The following ZFHX3 variants were observed in gnomAD, a reference collection of about 807,000 sequenced individuals.
ZFHX3 encodes zinc finger homeobox protein 3.
Under a neutral mutation model 279.1 loss-of-function variants are expected in ZFHX3, and 42 were observed. The observed-to-expected ratio is 0.15, with a 90% CI of 0.12 to 0.19. The LOEUF is 0.19. Among genes scored for constraint, ZFHX3 ranks in the 10% least tolerant of loss-of-function variants. The pLI, the probability that ZFHX3 is intolerant of heterozygous loss-of-function variation, is 1.00. For missense variants in ZFHX3, 4,981 were observed against 4,754.0 expected, an observed-to-expected ratio of 1.05 and a Z score of -1.40; for synonymous variants, 2,293 against 1,957.8, an observed-to-expected ratio of 1.17 and a Z score of -4.52.
At chr16:73,354,859 G>A (rs147973361) in intron 3 of ZFHX3, among the ~76,000 whole-genome samples, 34 of 152,186 alleles carry the variant, frequency 2.2e-4, no homozygotes, top group African/African-American at 6.3e-4. Flanking sequence ...CTGGTGAATC[G>A]GTCTTCATTT....
chr16:73,075,139 T>A (rs887432055), intron 8 of ZFHX3, among the ~76,000 whole-genome samples: 1 of 152,160 alleles, frequency 6.6e-6, no homozygotes, highest in African/African-American at 2.4e-5. Context: ...GCATAATTAC[T>A]CTATTATTAC....
chr16:72,984,405 T>A (rs1476057358), intron 1 of ZFHX3, among the ~76,000 whole-genome samples: 7 of 152,048 alleles, frequency 4.6e-5, no homozygotes, highest in Non-Finnish European at 7.4e-5. Flanking sequence ...GGTGGGAGGA[T>A]CACTTGAGCC....
chr16:73,472,586 T>C (rs1244510132), intron 2 of ZFHX3, among the ~76,000 whole-genome samples: 2 of 152,182 alleles, frequency 1.3e-5, no homozygotes. Context: ...CACTCCAGAC[T>C]CACCCTTCAT....
intron 4 of ZFHX3, among the ~76,000 whole-genome samples, chr16:73,276,083 T>C (rs1054320345): frequency 2.0e-5 from 3 of 152,074 alleles, no homozygotes; most frequent in Non-Finnish European, 4.4e-5. Flanking sequence ...CACAACAAAT[T>C]GTGTAATATG....
intron 5 of ZFHX3, among the ~76,000 whole-genome samples, chr16:73,179,025 A>G (rs1234945000): frequency 6.6e-6 from 1 of 152,208 alleles, no homozygotes; most frequent in Non-Finnish European, 1.5e-5. Context: ...GCTCACACCA[A>G]CATAACCAAA....
chr16:73,235,188 G>A (rs2012904415), intron 5 of ZFHX3, among the ~76,000 whole-genome samples: 1 of 152,074 alleles, frequency 6.6e-6, no homozygotes, highest in Non-Finnish European at 1.5e-5. Context: ...TCCTGCCTCA[G>A]CCTCCTGAGT....
intron 1 of ZFHX3, among the ~76,000 whole-genome samples, chr16:73,853,893 A>T (rs1961652667): frequency 6.6e-6 from 1 of 152,062 alleles, no homozygotes; most frequent in East Asian, 1.9e-4. Context: ...AAGTGATCCT[A>T]TTGTTGTAAG....
At chr16:73,153,321 G>T (rs568005955) in intron 5 of ZFHX3, among the ~76,000 whole-genome samples, 6 of 151,788 alleles carry the variant, frequency 4.0e-5, no homozygotes, top group Admixed American at 1.3e-4. Context: ...GTCTCCCTAC[G>T]TTGCCTAGGC....
chr16:73,402,585 C>A (rs1258843580), intron 3 of ZFHX3: 1 of 152,226 alleles, frequency 6.6e-6, no homozygotes, highest in Non-Finnish European at 1.5e-5. Context: ...TGTGGACCCG[C>A]TTTGAGTAGC....
intron 2 of ZFHX3, among the ~76,000 whole-genome samples, chr16:73,528,450 G>A (rs1356054131): frequency 3.9e-5 from 6 of 152,130 alleles, no homozygotes; most frequent in Admixed American, 1.3e-4. Flanking sequence ...CAAAAACACC[G>A]TAAGAGGTAG....
At chr16:73,352,474 CTTTTTTTTTTTT>C (rs35974156) in intron 3 of ZFHX3, among the ~76,000 whole-genome samples, 40 of 53,256 alleles carry the variant, frequency 7.5e-4, no homozygotes, top group African/African-American at 2.9e-3. Context: ...CTCTCTCTCT[CTTTTTTTTTTTT>C]TTTTTTTTTT....
At chr16:73,866,162 C>A (rs1481508079) in intron 1 of ZFHX3, among the ~76,000 whole-genome samples, 2 of 143,156 alleles carry the variant, frequency 1.4e-5, no homozygotes, top group African/African-American at 5.2e-5. Context: ...ACCACTATGC[C>A]AGGCTAATTT....
At chr16:73,513,778 C>A (rs914405179) in intron 2 of ZFHX3, among the ~76,000 whole-genome samples, 1 of 152,052 alleles carries the variant, frequency 6.6e-6, no homozygotes, top group Admixed American at 6.6e-5. Flanking sequence ...TACGGATGGA[C>A]TTATGGGAAT....
rs760050481 is a variant in ZFHX3, at chr16:72,958,694, C to T, written c.1452G>A (p.Glu484=). The T allele has an allele frequency of 3.7e-6, 6 of 1,611,420 alleles. No individual in the cohort carries two copies. The highest frequency in any genetic ancestry group is 4.5e-5 in the East Asian group (2 of 44,804). The change falls in exon 2 of 10, where the codon GAG becomes GAA. Residue 484 remains glutamate, a synonymous_variant. Coordinates refer to ENST00000268489, the MANE Select transcript of ZFHX3 (RefSeq NM_006885.4). ...EEEEEEEEEE[E]EEEDEGCKGL... ...CTTTGCAACCCTCGTCTTCCTCCTC[C>T]TCTTCTTCCTCCTCCTCTTCTTCCT...
intron 1 of ZFHX3, among the ~76,000 whole-genome samples, chr16:73,885,046 C>T (rs2030301225): frequency 1.3e-5 from 2 of 152,058 alleles, no homozygotes. Context: ...CCCTTTCTTT[C>T]CCCCCACCCA....
chr16:72,969,251 G>A (rs1961992385), intron 1 of ZFHX3, among the ~76,000 whole-genome samples: 3 of 152,228 alleles, frequency 2.0e-5, no homozygotes, highest in South Asian at 2.1e-4. Flanking sequence ...GGACAGAGAG[G>A]TGTAGAGAGA....
intron 2 of ZFHX3, among the ~76,000 whole-genome samples, chr16:73,529,994 G>A (rs73600981): frequency 5.3e-5 from 8 of 152,064 alleles, no homozygotes; most frequent in African/African-American, 1.4e-4. Flanking sequence ...GAAATGTATC[G>A]CTTGTGTCCT....
chr16:72,795,567 A>G lies in ZFHX3; in HGVS notation c.7115T>C (p.Met2372Thr), dbSNP rs1337139331. 2 of 1,614,008 alleles carry G rather than the reference A, an allele frequency of 1.2e-6. No homozygotes were observed. Among genetic ancestry groups the G allele is most frequent in the South Asian group, 1.1e-5 (1 of 91,068 alleles). Residue 2372 changes from methionine (M) to threonine (T), a missense_variant, in exon 9 of 10, where the codon ATG (methionine) becomes ACG (threonine). Met to Thr is a moderately conservative substitution (Grantham distance 81). Coordinates refer to ENST00000268489, the MANE Select transcript of ZFHX3 (RefSeq NM_006885.4). ...TGAGCTGGTAGGCGTCAGGATTTCC[A>G]TGGCATCCATGGAATCCTCATTTTG... ...DSQNEDSMDA[M>T]EILTPTSSSC...
intron 3 of ZFHX3, among the ~76,000 whole-genome samples, chr16:73,366,226 C>T (rs2016525732): frequency 6.6e-6 from 1 of 152,136 alleles, no homozygotes; most frequent in Non-Finnish European, 1.5e-5. Flanking sequence ...AAGAGTGGAA[C>T]AGCCTCAGTG....
Sources: gnomAD v4.1 joint callset for allele counts (sites outside exome capture counted in the v4.1 genomes callset) on GRCh38, gnomAD v4.1.1 for gene constraint, MANE v1.5 for transcripts, NCBI Gene and HGNC (gene_info 2026-07-23, HGNC 2026-07-21) for gene names.